Variants in TBCK observed in about 807,000 individuals in gnomAD.
TBCK encodes the protein TBC1 domain containing kinase, also known as TBC domain-containing protein kinase-like protein.
TBCK carries 99 observed loss-of-function variants against 113.4 expected under a neutral mutation model. That is an observed-to-expected ratio of 0.87 (90% CI 0.74 to 1.03). The LOEUF (loss-of-function observed/expected upper bound fraction) is 1.03. TBCK is among the 50% of genes least tolerant of loss of function. TBCK has a pLI of 0.00. For missense variants in TBCK, 1,045 were observed against 1,061.3 expected (o/e 0.98, Z 0.21); for synonymous variants, 369 against 370.8 (o/e 1.00, Z 0.05).
At chr4:106,223,349 T>C (rs988772137) in intron 19 of TBCK, among the ~76,000 whole-genome samples, 6 of 152,268 alleles carry the variant, frequency 3.9e-5, no homozygotes, top group African/African-American at 9.6e-5. Context: ...AGACTTTGTA[T>C]GTCTGTCTTC....
At position 106,271,772 on chromosome 4, in the gene TBCK, C is replaced by CA. The variant is rs945351523; in HGVS notation, c.267-9561dup. Among the ~76,000 whole-genome samples the CA allele has an allele frequency of 5.8e-4, 84 of 145,036 alleles. No individual in the cohort carries two copies. The Middle Eastern group carries it at 0.018, about 31-fold the overall frequency. On this transcript the variant is annotated intron_variant, in intron 3 of 25. Coordinates refer to ENST00000394708, the MANE Select transcript of TBCK (RefSeq NM_001163435.3). ...GTCCCAAAAAAAAAAAAAAACAAAA[C>CA]AAAAAAACAACTGTTCTTAAGTTGT...
intron 23 of TBCK, chr4:106,163,283 G>T: frequency 6.6e-6 from 1 of 152,340 alleles, no homozygotes; most frequent in Non-Finnish European, 1.5e-5. Flanking sequence ...TCTCTAGGGA[G>T]TTCCAAATTT....
chr4:106,215,913 AT>A, intron 19 of TBCK, among the ~76,000 whole-genome samples: 1 of 150,878 alleles, frequency 6.6e-6, no homozygotes, highest in East Asian at 1.9e-4. Flanking sequence ...CAGAATATAC[AT>A]TTTTTTCAGC....
intron 23 of TBCK, among the ~76,000 whole-genome samples, chr4:106,169,798 T>C (rs935251808): frequency 6.6e-6 from 1 of 152,132 alleles, no homozygotes; most frequent in African/African-American, 2.4e-5. Flanking sequence ...TTCCTGCTAC[T>C]TAATGGTCCC....
intron 3 of TBCK, among the ~76,000 whole-genome samples, chr4:106,274,179 T>C (rs909753498): frequency 2.0e-5 from 3 of 152,214 alleles, no homozygotes; most frequent in Non-Finnish European, 2.9e-5. Flanking sequence ...CTAGGATGTC[T>C]ACAATCAAAA....
intron 10 of TBCK, among the ~76,000 whole-genome samples, chr4:106,245,712 T>C (rs1214462681): frequency 6.6e-6 from 1 of 152,196 alleles, no homozygotes; most frequent in African/African-American, 2.4e-5. Context: ...AAGACATTTA[T>C]TCATCTCTGT....
Position 106,247,121 on chromosome 4 carries a change from G to C in TBCK, c.931+18C>G. 1 of 1,603,394 alleles carries C rather than the reference G, an allele frequency of 6.2e-7. No individual in the cohort carries two copies. The highest frequency in any genetic ancestry group is 8.5e-7 in the Non-Finnish European group (1 of 1,176,802). On this transcript the variant is annotated intron_variant, in intron 10 of 25. Coordinates refer to ENST00000394708, the MANE Select transcript of TBCK (RefSeq NM_001163435.3). Reference sequence around the variant, plus strand: ...AAACAAGGCTCATATTATTCTCTATGCTTTAATTTATCATTACCTTTACAC... The same window carrying C: ...AAACAAGGCTCATATTATTCTCTATCCTTTAATTTATCATTACCTTTACAC...
At chr4:106,262,538 T>C (rs574080881) in intron 3 of TBCK, among the ~76,000 whole-genome samples, 6 of 152,188 alleles carry the variant, frequency 3.9e-5, no homozygotes, top group African/African-American at 1.4e-4. Context: ...CGCCAAATTA[T>C]CAGGTTAAGT....
chr4:106,107,100 A>G (rs765316783), intron 24 of TBCK, among the ~76,000 whole-genome samples: 31 of 152,192 alleles, frequency 2.0e-4, no homozygotes, highest in Non-Finnish European at 4.1e-4. Context: ...TTCTAAATAT[A>G]TATGAACCCA....
At chr4:106,251,640 T>C (rs554451123) in intron 6 of TBCK, among the ~76,000 whole-genome samples, 99 of 152,050 alleles carry the variant, frequency 6.5e-4, no homozygotes, top group African/African-American at 2.3e-3. Flanking sequence ...ATCAAAATAA[T>C]ATATATCTGG....
At chr4:106,236,840 A>G (rs1227505956) in intron 12 of TBCK, 32 bp from the exon 13 acceptor site, 3 of 1,323,392 alleles carry the variant, frequency 2.3e-6, no homozygotes, top group Non-Finnish European at 3.1e-6. Context: ...ATTTATGTAT[A>G]AACATATTGG....
intron 22 of TBCK, among the ~76,000 whole-genome samples, chr4:106,182,979 TAGTA>T (rs534416706): frequency 6.6e-6 from 1 of 152,222 alleles, no homozygotes; most frequent in South Asian, 2.1e-4. Context: ...GGACTGTTAG[TAGTA>T]AGTATCAACT....
At chr4:106,134,032 A>C (rs535621052) in intron 23 of TBCK, among the ~76,000 whole-genome samples, 1,390 of 128,694 alleles carry the variant, frequency 0.011, 10 homozygotes, top group African/African-American at 0.026. Flanking sequence ...AAAACAAAAA[A>C]AAAAACAAAA....
chr4:106,193,811 A>C (rs763151395), intron 21 of TBCK, 41 bp from the exon 22 acceptor site: 1 of 1,305,550 alleles, frequency 7.7e-7, no homozygotes, highest in Non-Finnish European at 1.0e-6. Context: ...AAAAACCAAA[A>C]TAACAATTAA....
At chr4:106,236,325 T>C (rs770761817) in intron 14 of TBCK, 65 bp downstream of exon 14, 146 of 1,202,310 alleles carry the variant, frequency 1.2e-4, no homozygotes, top group Middle Eastern at 5.5e-4. Flanking sequence ...CTAAGAATTA[T>C]TGAAAAAATT....
At chr4:106,186,495 C>T (rs774881534) in intron 22 of TBCK, among the ~76,000 whole-genome samples, 1 of 152,100 alleles carries the variant, frequency 6.6e-6, no homozygotes, top group Non-Finnish European at 1.5e-5. Context: ...TGATGTTGAA[C>T]ATTTTTTCAT....
chr4:106,203,283 CATATAT>C (rs10565641), intron 20 of TBCK, among the ~76,000 whole-genome samples: 3 of 146,326 alleles, frequency 2.1e-5, no homozygotes, highest in East Asian at 4.0e-4. Context: ...TATATTTTCA[CATATAT>C]ATATATATAT....
At chr4:106,104,696 C>G (rs972726241) in intron 24 of TBCK, among the ~76,000 whole-genome samples, 19 of 152,264 alleles carry the variant, frequency 1.2e-4, no homozygotes, top group African/African-American at 3.9e-4. Context: ...CCTCACTGGG[C>G]AGGACCTCCC....
intron 23 of TBCK, among the ~76,000 whole-genome samples, chr4:106,118,207 G>C (rs1157987547): frequency 6.6e-6 from 1 of 151,848 alleles, no homozygotes; most frequent in Non-Finnish European, 1.5e-5. Flanking sequence ...AGAATTTGTA[G>C]GTAACAAAAA....
Sources: gnomAD v4.1 joint callset for allele counts (sites outside exome capture counted in the v4.1 genomes callset) on GRCh38, gnomAD v4.1.1 for gene constraint, MANE v1.5 for transcripts, NCBI Gene and HGNC (gene_info 2026-07-23, HGNC 2026-07-21) for gene names.